The following USP32 variants were observed in gnomAD, a reference collection of about 807,000 sequenced individuals.
USP32 encodes the protein ubiquitin specific peptidase 32, also known as ubiquitin carboxyl-terminal hydrolase 32.
In USP32, 59 loss-of-function variants were observed where a neutral mutation model predicts 204.8. That is an observed-to-expected ratio of 0.29 (90% CI 0.23 to 0.36). USP32 has a LOEUF of 0.36. Ranked by LOEUF, USP32 falls within the 10% of genes least tolerant of loss-of-function variation. USP32 has a pLI of 1.00. For synonymous variants in USP32, 517 were observed against 678.4 expected, an observed-to-expected ratio of 0.76 and a Z score of 3.70; for missense variants, 1,160 against 1,946.4, an observed-to-expected ratio of 0.60 and a Z score of 7.60.
intron 3 of USP32, among the ~76,000 whole-genome samples, chr17:60,299,368 C>G (rs912452835): frequency 6.6e-6 from 1 of 152,170 alleles, no homozygotes; most frequent in Non-Finnish European, 1.5e-5. Flanking sequence ...GGTCAAGGCA[C>G]CTGCATCCGG....
intron 30 of USP32, among the ~76,000 whole-genome samples, chr17:60,184,310 G>T (rs1288212327): frequency 7.9e-6 from 1 of 126,082 alleles, no homozygotes; most frequent in African/African-American, 3.9e-5. Context: ...GTGAGACTCC[G>T]TCTCAAAAAA....
chr17:60,248,174 T>C (rs1288116769), intron 11 of USP32, among the ~76,000 whole-genome samples: 2 of 152,190 alleles, frequency 1.3e-5, no homozygotes, highest in Non-Finnish European at 2.9e-5. Context: ...TTTTTGGTTT[T>C]TTCCTTATAT....
At chr17:60,339,401 G>A (rs916693451) in intron 2 of USP32, among the ~76,000 whole-genome samples, 1 of 151,540 alleles carries the variant, frequency 6.6e-6, no homozygotes, top group Non-Finnish European at 1.5e-5. Context: ...TGGCCAACAT[G>A]GTAAAACCTC....
intron 1 of USP32, among the ~76,000 whole-genome samples, chr17:60,411,264 C>T (rs897127456): frequency 2.0e-5 from 3 of 151,500 alleles, no homozygotes; most frequent in East Asian, 2.0e-4. Context: ...GTGGAGGTTG[C>T]GGTGAGCCGA....
rs2084893456 is a variant in USP32, at chr17:60,208,785, T to C, written c.2642A>G (p.Asp881Gly). ...HLRRNRSIVVDLFHGQLRSQV... is the reference protein window; with the variant it reads ...HLRRNRSIVVGLFHGQLRSQV... ...AGATCTTAGCTGCCCATGGAACAAATCCACAACAATTGATCTATTTCTTCT... is the reference window on the plus strand; with the variant it reads ...AGATCTTAGCTGCCCATGGAACAAACCCACAACAATTGATCTATTTCTTCT... Residue 881 changes from aspartate (D) to glycine (G), a missense_variant, in exon 23 of 34, where the codon GAT becomes GGT. Coordinates refer to ENST00000300896, the MANE Select transcript of USP32 (RefSeq NM_032582.4). 2 of 1,606,212 alleles carry C rather than the reference T, an allele frequency of 1.2e-6. No homozygotes were observed. Among genetic ancestry groups the C allele is most frequent in the Non-Finnish European group, 8.5e-7 (1 of 1,176,890 alleles).
Position 60,276,471 on chromosome 17 carries a change from C to G in USP32, c.572-4990G>C, listed in dbSNP as rs1053236972. 1.4e-4 allele frequency among the ~76,000 whole-genome samples: 22 copies of G among 152,236 alleles called. No individual in the cohort carries two copies. In the Middle Eastern group the frequency reaches 0.01, roughly 71 times the overall value. ...CCTCTTTCATTCCTCCAGAGAAACA[C>G]TAGCTTTTTCAAGTTCTAAACTCTT... is the stretch of plus-strand genomic sequence containing the variant. On this transcript the variant is annotated intron_variant, in intron 5 of 33. Transcript: ENST00000300896.
At chr17:60,330,992 T>C (rs2088368911) in intron 2 of USP32, among the ~76,000 whole-genome samples, 3 of 152,214 alleles carry the variant, frequency 2.0e-5, no homozygotes, top group African/African-American at 7.2e-5. Context: ...GCTAGTCATA[T>C]ACCTAAATTC....
chr17:60,353,558 C>T (rs7220679), intron 1 of USP32, among the ~76,000 whole-genome samples: 6,740 of 151,924 alleles, frequency 0.044, 538 homozygotes, highest in African/African-American at 0.15. Flanking sequence ...TTGGCCAACA[C>T]GGAGAAACAC....
At chr17:60,257,130 G>T (rs1344311820) in intron 9 of USP32, 1 of 177,420 alleles carries the variant, frequency 5.6e-6, no homozygotes, top group African/African-American at 2.4e-5. Flanking sequence ...GAAAAGCAAA[G>T]GTTTTCACTA....
At chr17:60,419,540 G>A (rs2090089351) in intron 1 of USP32, among the ~76,000 whole-genome samples, 1 of 151,950 alleles carries the variant, frequency 6.6e-6, no homozygotes, top group Admixed American at 6.6e-5. Context: ...AGGCCATCCT[G>A]GCTAACACAG....
intron 11 of USP32, among the ~76,000 whole-genome samples, chr17:60,251,832 T>C (rs1431040747): frequency 1.3e-5 from 2 of 152,106 alleles, no homozygotes; most frequent in Non-Finnish European, 2.9e-5. Flanking sequence ...ACAGGAATGC[T>C]AGCCAATCAT....
At chr17:60,285,033 A>G (rs1217524503) in intron 5 of USP32, among the ~76,000 whole-genome samples, 1 of 152,230 alleles carries the variant, frequency 6.6e-6, no homozygotes, top group African/African-American at 2.4e-5. Flanking sequence ...TAATTGCAGT[A>G]GTCTTGAATA....
chr17:60,280,373 AGGCTCG>A (rs1359710377), intron 5 of USP32, among the ~76,000 whole-genome samples: 1 of 152,196 alleles, frequency 6.6e-6, no homozygotes, highest in Non-Finnish European at 1.5e-5. Flanking sequence ...GTGGGATTAC[AGGCTCG>A]GGCTACTGCA....
At chr17:60,230,317 A>T (rs1222978539) in intron 12 of USP32, among the ~76,000 whole-genome samples, 1 of 152,200 alleles carries the variant, frequency 6.6e-6, no homozygotes, top group African/African-American at 2.4e-5. Flanking sequence ...TGTAAATGAA[A>T]CCATTCCTGT....
intron 1 of USP32, among the ~76,000 whole-genome samples, chr17:60,420,469 A>C (rs1310322917): frequency 6.6e-6 from 1 of 152,072 alleles, no homozygotes; most frequent in Non-Finnish European, 1.5e-5. Context: ...GGAGTTAGAC[A>C]CCAGCGTGAC....
intron 13 of USP32, among the ~76,000 whole-genome samples, chr17:60,224,611 G>A (rs1453686247): frequency 1.3e-5 from 2 of 152,122 alleles, no homozygotes; most frequent in Non-Finnish European, 2.9e-5. Context: ...ATGAGACCTC[G>A]TCTCTACAAA....
Position 60,226,071 on chromosome 17 carries a change from G to A in USP32, c.1400C>T (p.Thr467Ile), listed in dbSNP as rs999345821. The change falls in exon 13 of 34, where the codon ACT becomes ATT. Residue 467 changes from threonine to isoleucine, a missense_variant. Physicochemically the swap from Thr to Ile is moderately conservative, Grantham distance 89. Transcript: ENST00000300896. ...AGCAGTTTCTGAGGCTTCAGATGCA[G>A]TAGAAATGTTGTCTGAAAATTTCTC... ...TEEKFSDNIS[T>I]ASEASETAGS... The A allele has an allele frequency of 1.9e-6, 3 of 1,605,906 alleles. No homozygotes were observed. Among genetic ancestry groups the A allele is most frequent in the Admixed American group, 3.4e-5 (2 of 58,494 alleles).
At chr17:60,419,052 G>T (rs891497879) in intron 1 of USP32, among the ~76,000 whole-genome samples, 3 of 152,072 alleles carry the variant, frequency 2.0e-5, no homozygotes, top group Non-Finnish European at 4.4e-5. Context: ...CTACCATAAA[G>T]ACACATGCAC....
intron 4 of USP32, among the ~76,000 whole-genome samples, chr17:60,290,845 T>C (rs1369476579): frequency 6.6e-6 from 1 of 152,028 alleles, no homozygotes; most frequent in Non-Finnish European, 1.5e-5. Flanking sequence ...GGTCAATGAT[T>C]TAATCAATCA....
Sources: gnomAD v4.1 joint callset for allele counts (sites outside exome capture counted in the v4.1 genomes callset) on GRCh38, gnomAD v4.1.1 for gene constraint, MANE v1.5 for transcripts, NCBI Gene and HGNC (gene_info 2026-07-23, HGNC 2026-07-21) for gene names.